The following RYR2 variants were observed in gnomAD, a reference collection of about 807,000 sequenced individuals.
RYR2 encodes the protein cardiac muscle ryanodine receptor-calcium release channel.
A neutral mutation model predicts 601.1 loss-of-function variants in RYR2; 227 were observed. That is an observed-to-expected ratio of 0.38 (90% CI 0.34 to 0.42). The LOEUF (loss-of-function observed/expected upper bound fraction) is 0.42. RYR2 is among the 10% of genes least tolerant of loss of function. RYR2 has a pLI of 1.00. For synonymous variants in RYR2, 2,223 were observed against 2,175.1 expected (o/e 1.02, Z -0.61); for missense variants, 4,646 against 6,156.5 (o/e 0.75, Z 8.21).
chr1:237,283,099 C>A (rs79814936), intron 2 of RYR2, among the ~76,000 whole-genome samples: 1 of 152,188 alleles, frequency 6.6e-6, no homozygotes, highest in Non-Finnish European at 1.5e-5. Context: ...ACTCTGTTCT[C>A]GCTCTTCCTG....
chr1:237,085,572 G>A (rs958189966), intron 1 of RYR2, among the ~76,000 whole-genome samples: 1 of 152,192 alleles, frequency 6.6e-6, no homozygotes, highest in Non-Finnish European at 1.5e-5. Flanking sequence ...GAGTGTAATT[G>A]GGTGCACGTG....
chr1:237,779,945 G>A (rs1173135744), intron 88 of RYR2, among the ~76,000 whole-genome samples: 1 of 152,196 alleles, frequency 6.6e-6, no homozygotes, highest in Non-Finnish European at 1.5e-5. Context: ...GATTAGACCA[G>A]CTATGTCTGC....
At chr1:237,776,723 G>A (rs1263163791) in intron 87 of RYR2, among the ~76,000 whole-genome samples, 1 of 152,042 alleles carries the variant, frequency 6.6e-6, no homozygotes, top group Non-Finnish European at 1.5e-5. Flanking sequence ...GAGAGAGGAG[G>A]TATGGGGAAG....
rs79627213 is a variant in RYR2 at position 237,750,241 on chromosome 1, T to C, written c.11146-6047T>C. Among the ~76,000 whole-genome samples, 303 of 152,148 alleles carry C rather than the reference T, an allele frequency of 2.0e-3. 2 individuals are homozygous for C. The highest frequency in any genetic ancestry group is 6.9e-3 in the African/African-American group (286 of 41,526). On this transcript the variant is annotated intron_variant, in intron 80 of 104. Coordinates refer to ENST00000366574, the MANE Select transcript of RYR2 (RefSeq NM_001035.3). ...TTTAGTATTTAAAGAATCATGGAAC[T>C]ATACATAACACAGTAAGCTGAAGGG...
At chr1:237,456,307 A>G (rs1658808172) in intron 15 of RYR2, among the ~76,000 whole-genome samples, 1 of 152,208 alleles carries the variant, frequency 6.6e-6, no homozygotes, top group Non-Finnish European at 1.5e-5. Flanking sequence ...TCTTATGGTC[A>G]CTTAACAATA....
intron 1 of RYR2, among the ~76,000 whole-genome samples, chr1:237,148,887 T>G (rs1042478447): frequency 6.6e-6 from 1 of 152,152 alleles, no homozygotes; most frequent in Non-Finnish European, 1.5e-5. Flanking sequence ...CAGATCTGGA[T>G]AAGATTGCCT....
intron 1 of RYR2, among the ~76,000 whole-genome samples, chr1:237,110,913 T>C (rs2485600): frequency 0.9 from 136,681 of 152,260 alleles, 62,156 homozygotes; most frequent in East Asian, 1. Flanking sequence ...CACAACCCTG[T>C]GAGGTCAATT....
At chr1:237,066,932 C>T (rs569713729) in intron 1 of RYR2, among the ~76,000 whole-genome samples, 122 of 152,240 alleles carry the variant, frequency 8.0e-4, no homozygotes, top group Non-Finnish European at 1.3e-3. Context: ...CCACCGCGCC[C>T]GGCATCTGTG....
intron 17 of RYR2, among the ~76,000 whole-genome samples, chr1:237,490,229 C>T (rs1243345517): frequency 6.6e-6 from 1 of 152,182 alleles, no homozygotes; most frequent in Non-Finnish European, 1.5e-5. Context: ...ATTGGTTGGG[C>T]TTTGCTCACT....
intron 1 of RYR2, among the ~76,000 whole-genome samples, chr1:237,103,934 C>T (rs992288667): frequency 2.0e-5 from 3 of 149,906 alleles, no homozygotes; most frequent in South Asian, 2.1e-4. Flanking sequence ...CATTTGCAAC[C>T]GAGAATTCTG....
intron 84 of RYR2, among the ~76,000 whole-genome samples, chr1:237,764,830 G>T (rs932239556): frequency 7.2e-5 from 11 of 152,090 alleles, no homozygotes; most frequent in Non-Finnish European, 5.9e-5. Flanking sequence ...TTTCAAAATT[G>T]CTTTTGAACT....
chr1:237,483,078 T>C (rs1572531216), intron 17 of RYR2, among the ~76,000 whole-genome samples: 1 of 152,164 alleles, frequency 6.6e-6, no homozygotes, highest in African/African-American at 2.4e-5. Flanking sequence ...AACAGGCTGG[T>C]TTAATTTCTC....
At chr1:237,064,995 C>T (rs1023122471) in intron 1 of RYR2, among the ~76,000 whole-genome samples, 6 of 151,894 alleles carry the variant, frequency 4.0e-5, no homozygotes, top group East Asian at 1.9e-4. Flanking sequence ...TTTGGTGGCA[C>T]GTAACATCGT....
intron 44 of RYR2, among the ~76,000 whole-genome samples, chr1:237,637,606 T>C (rs1162465814): frequency 6.6e-6 from 1 of 152,326 alleles, no homozygotes; most frequent in East Asian, 1.9e-4. Context: ...TTTCTCTACG[T>C]ATTTTCTCAC....
intron 2 of RYR2, among the ~76,000 whole-genome samples, chr1:237,305,551 C>A (rs1693785274): frequency 6.6e-6 from 1 of 152,200 alleles, no homozygotes; most frequent in Admixed American, 6.5e-5. Flanking sequence ...CCCATCTCAA[C>A]CTCCCAAGTA....
At chr1:237,696,336 T>C (rs1248492029) in intron 63 of RYR2, among the ~76,000 whole-genome samples, 1 of 152,178 alleles carries the variant, frequency 6.6e-6, no homozygotes, top group Non-Finnish European at 1.5e-5. Context: ...CTCTTCCTCC[T>C]CATGGGCCTT....
rs776908944 is a variant in RYR2 at position 237,654,389 on chromosome 1, G to A, written c.7940G>A (p.Gly2647Asp). The A allele has an allele frequency of 3.1e-6, 5 of 1,613,748 alleles. No individual in the cohort carries two copies. Among genetic ancestry groups the A allele is most frequent in the African/African-American group, 1.3e-5 (1 of 74,898 alleles). The change falls in exon 52 of 105, where the codon GGC becomes GAC. Residue 2647 changes from glycine to aspartate, a missense_variant. Gly to Asp is a moderately conservative substitution (Grantham distance 94). Coordinates refer to ENST00000366574, the MANE Select transcript of RYR2 (RefSeq NM_001035.3). ...CATTTATCAAGAAAGTTGTTCTGGG[G>A]CATTTTTGATGCCCTGTCTCAAAAG... Reference protein sequence around the residue: ...ELHLSRKLFWGIFDALSQKKY... With the variant: ...ELHLSRKLFWDIFDALSQKKY...
Position 237,707,279 on chromosome 1 carries a change from G to T in RYR2, c.9901+10G>T. ...ATGAAGAGGCTAGCAGGTAAGAACT[G>T]GAAGAAGACATTGTACCCCTGAAAT... On this transcript the variant is annotated intron_variant, in intron 68 of 104. Transcript: ENST00000366574. 7.3e-7 allele frequency: 1 copy of T among 1,375,480 alleles called. No homozygotes were observed. Among genetic ancestry groups the T allele is most frequent in the Non-Finnish European group, 9.7e-7 (1 of 1,034,606 alleles). 85.2% of individuals were successfully genotyped at this position (1,375,480 alleles called of 1,614,324 possible). A position where few individuals can be genotyped will look rare whatever the true frequency, so the allele number is the denominator to read the frequency against.
chr1:237,680,343 A>T (rs1685763161), intron 61 of RYR2, 113 bp from the exon 62 acceptor site: 2 of 769,990 alleles, frequency 2.6e-6, no homozygotes, highest in Admixed American at 2.5e-5. Flanking sequence ...TGGCATGGAC[A>T]TAAGGAGACC....
Sources: allele counts gnomAD v4.1 joint callset (sites outside exome capture counted in the v4.1 genomes callset), GRCh38; gene constraint gnomAD v4.1.1; transcripts MANE v1.5; gene names NCBI Gene and HGNC (gene_info 2026-07-23, HGNC 2026-07-21).